BACH2: variants seen among roughly 807,000 people sequenced by gnomAD.
BACH2 encodes BACH transcriptional regulator 2, also known as transcription regulator protein BACH2.
Under a neutral mutation model 61.8 loss-of-function variants are expected in BACH2, and 5 were observed. The ratio of observed to expected loss-of-function variants is 0.08; its 90% CI spans 0.04 to 0.17. BACH2 has a LOEUF of 0.17. BACH2 is among the 10% of genes least tolerant of loss of function. The pLI, the probability that BACH2 is intolerant of heterozygous loss-of-function variation, is 1.00. For missense variants in BACH2, 824 were observed against 1,091.1 expected (o/e 0.76, Z 3.45); for synonymous variants, 446 against 440.1 (o/e 1.01, Z -0.17).
intron 5 of BACH2, among the ~76,000 whole-genome samples, chr6:90,073,569 C>T (rs974373153): frequency 6.6e-6 from 1 of 152,192 alleles, no homozygotes; most frequent in Non-Finnish European, 1.5e-5. Context: ...GGCCAGTTAA[C>T]ACATGCTCTC....
At chr6:90,097,066 T>A (rs1323703061) in intron 4 of BACH2, among the ~76,000 whole-genome samples, 5 of 152,168 alleles carry the variant, frequency 3.3e-5, no homozygotes, top group African/African-American at 9.6e-5. Context: ...TTTCCCAGCC[T>A]TCTGTCCTGA....
intron 4 of BACH2, among the ~76,000 whole-genome samples, chr6:90,130,312 G>T (rs1328481429): frequency 2.0e-5 from 3 of 152,184 alleles, no homozygotes; most frequent in Non-Finnish European, 4.4e-5. Flanking sequence ...GGATACAGGT[G>T]ACCTAGGATA....
At chr6:90,234,134 G>A (rs1439406605) in intron 3 of BACH2, among the ~76,000 whole-genome samples, 4 of 152,212 alleles carry the variant, frequency 2.6e-5, no homozygotes, top group Non-Finnish European at 4.4e-5. Context: ...TTGGGGAGCC[G>A]ATGATGTAGT....
At chr6:90,062,776 T>A in intron 5 of BACH2, 6 of 244,300 alleles carry the variant, frequency 2.5e-5, no homozygotes, top group Non-Finnish European at 3.9e-5. Flanking sequence ...TTTTTTTCCC[T>A]AAAGTGTAGT....
rs114546376 is a variant in BACH2, at chr6:90,268,972, T to C, written c.-353+2877A>G. ...CAGGAAAAATGAACTCTAGTTTCTA[T>C]TTTCAAGTGAAGACTAAGAGACCTG... On this transcript the variant is annotated intron_variant, in intron 2 of 8. Transcript: ENST00000257749. 3.6e-3 allele frequency among the ~76,000 whole-genome samples: 549 copies of C among 152,310 alleles called. 2 individuals are homozygous for C. The highest frequency in any genetic ancestry group is 0.012 in the African/African-American group (519 of 41,568).
intron 1 of BACH2, among the ~76,000 whole-genome samples, chr6:90,294,838 C>G (rs189142551): frequency 1.2e-4 from 18 of 152,332 alleles, no homozygotes; most frequent in African/African-American, 4.3e-4. Flanking sequence ...ACGTGCCTTT[C>G]CTACATGTTA....
intron 7 of BACH2, among the ~76,000 whole-genome samples, chr6:89,946,710 C>G (rs895737138): frequency 6.6e-6 from 1 of 152,002 alleles, no homozygotes; most frequent in African/African-American, 2.4e-5. Context: ...AACATAATGC[C>G]ATTAAAATAA....
intron 1 of BACH2, among the ~76,000 whole-genome samples, chr6:90,295,623 A>T (rs2127896434): frequency 1.3e-5 from 2 of 151,348 alleles, no homozygotes; most frequent in South Asian, 2.1e-4. Flanking sequence ...CTCCTGGGTG[A>T]AGCTTCTGGG....
chr6:89,951,209 G>T lies in BACH2; in HGVS notation c.897C>A (p.Asp299Glu). ...CGACATCCCCCGCTCTGTCCTTGGC[G>T]TCAGGCTCATCTCCAGACAGGCAGA... is the stretch of plus-strand genomic sequence containing the variant. ...ITLCLSGDEP[D>E]AKDRAGDVEM... The change falls in exon 7 of 9, where the codon GAC becomes GAA. Residue 299 changes from aspartate to glutamate, a missense_variant. Coordinates refer to ENST00000257749, the MANE Select transcript of BACH2 (RefSeq NM_021813.4). This position sits in a 1 kb window ranked among gnomAD's most constrained non-coding sequence, Gnocchi z 6.4. 6.2e-7 allele frequency: 1 copy of T among 1,614,014 alleles called. No individual in the cohort carries two copies.
chr6:89,968,903 TG>T (rs1775197277), intron 6 of BACH2, among the ~76,000 whole-genome samples: 1 of 151,966 alleles, frequency 6.6e-6, no homozygotes, highest in South Asian at 2.1e-4. Context: ...CCCAGCTACT[TG>T]GGGGGCTGAG....
rs1768278857 is a variant in BACH2 at position 90,184,431 on chromosome 6, A to G, written c.-162+22138T>C. Among the ~76,000 whole-genome samples the G allele has an allele frequency of 4.6e-5, 7 of 152,210 alleles. No individual in the cohort carries two copies. The South Asian group carries it at 1.4e-3, about 32-fold the overall frequency. ...TAAAAGAAAGATTCTGAACCTCATC[A>G]ACAGTTGTTGCAATCTCACTCACCT... On this transcript the variant is annotated intron_variant, in intron 4 of 8. Coordinates refer to ENST00000257749, the MANE Select transcript of BACH2 (RefSeq NM_021813.4).
At chr6:89,998,926 T>C (rs1196617809) in intron 6 of BACH2, among the ~76,000 whole-genome samples, 1 of 152,184 alleles carries the variant, frequency 6.6e-6, no homozygotes, top group Non-Finnish European at 1.5e-5. Context: ...TTGGGTGACA[T>C]TCCAAATTTT....
chr6:90,101,190 C>T (rs1190212871), intron 4 of BACH2, among the ~76,000 whole-genome samples: 1 of 152,108 alleles, frequency 6.6e-6, no homozygotes, highest in Non-Finnish European at 1.5e-5. Flanking sequence ...CATCTGTGGA[C>T]CATCTTTTCA....
intron 3 of BACH2, among the ~76,000 whole-genome samples, chr6:90,239,843 ACG>A (rs1291410231): frequency 2.3e-5 from 3 of 132,736 alleles, no homozygotes; most frequent in Non-Finnish European, 4.9e-5. Flanking sequence ...ACACACACAC[ACG>A]CTGACTATTC....
intron 3 of BACH2, among the ~76,000 whole-genome samples, chr6:90,219,053 G>A (rs1056736409): frequency 6.6e-6 from 1 of 151,876 alleles, no homozygotes; most frequent in Non-Finnish European, 1.5e-5. Context: ...CTTCAGTGGA[G>A]TGAAGGCTTG....
intron 2 of BACH2, among the ~76,000 whole-genome samples, chr6:90,259,937 T>C (rs1771103978): frequency 6.6e-6 from 1 of 152,116 alleles, no homozygotes; most frequent in Admixed American, 6.6e-5. Flanking sequence ...TTGGTTTTAC[T>C]TGAGTTTTCT....
Position 90,107,145 on chromosome 6 carries a change from G to A in BACH2, c.-161-18036C>T, listed in dbSNP as rs548845373. Among the ~76,000 whole-genome samples the A allele has an allele frequency of 9.2e-5, 14 of 152,152 alleles. No homozygotes were observed. In the East Asian group the frequency reaches 1.5e-3, roughly 17 times the overall value. On this transcript the variant is annotated intron_variant, in intron 4 of 8. Coordinates refer to ENST00000257749, the MANE Select transcript of BACH2 (RefSeq NM_021813.4). ...TCCCAGCACTTTGGGAGGCCGAGGC[G>A]GGTGGATCACGAGGTCAAGAGATCA...
At chr6:90,229,084 A>T (rs1770007976) in intron 3 of BACH2, among the ~76,000 whole-genome samples, 1 of 152,224 alleles carries the variant, frequency 6.6e-6, no homozygotes, top group African/African-American at 2.4e-5. Flanking sequence ...CCAAGTTCTT[A>T]AACCACTGTT....
chr6:89,952,092 C>T (rs1774164593), intron 6 of BACH2: 2 of 574,554 alleles, frequency 3.5e-6, no homozygotes, highest in Admixed American at 6.4e-5. Context: ...AATTGAAAAT[C>T]ACCAGGGTCA....
Sources: gnomAD v4.1 joint callset for allele counts (sites outside exome capture counted in the v4.1 genomes callset) on GRCh38, gnomAD v4.1.1 for gene constraint, Gnocchi (gnomAD v3.1) non-coding constraint, MANE v1.5 for transcripts, NCBI Gene and HGNC (gene_info 2026-07-23, HGNC 2026-07-21) for gene names.